Variants in CDH17 observed in about 807,000 individuals in gnomAD.
CDH17 encodes cadherin 17, also known as cadherin-17.
Under a neutral mutation model 86.3 loss-of-function variants are expected in CDH17, and 67 were observed. The observed-to-expected ratio is 0.78, with a 90% confidence interval of 0.64 to 0.95. The LOEUF is 0.95. Among genes scored for constraint, CDH17 ranks in the 40% least tolerant of loss-of-function variants. CDH17 has a pLI of 0.00. For missense variants in CDH17, 993 were observed against 1,017.6 expected (o/e 0.98, Z 0.33); for synonymous variants, 367 against 366.4 (o/e 1.00, Z -0.02).
chr8:94,189,798 G>T (rs554998720), intron 2 of CDH17, among the ~76,000 whole-genome samples: 1 of 152,316 alleles, frequency 6.6e-6, no homozygotes, highest in East Asian at 1.9e-4. Context: ...TACAAAGTTT[G>T]CTTGGCACAG....
chr8:94,131,036 TGGA>T, intron 15 of CDH17, 44 bp from the exon 16 acceptor site: 1 of 1,002,486 alleles, frequency 1.0e-6, no homozygotes, highest in South Asian at 1.3e-5. Context: ...CTTCAGACCC[TGGA>T]TTAGCAGGAA....
chr8:94,152,221 A>T, intron 12 of CDH17, 109 bp from the exon 13 acceptor site: 1 of 1,155,982 alleles, frequency 8.7e-7, no homozygotes, highest in Non-Finnish European at 1.2e-6. Context: ...ATATTGGAAA[A>T]ACTGGATATC....
intron 3 of CDH17, among the ~76,000 whole-genome samples, chr8:94,186,737 G>A (rs935005350): frequency 5.3e-5 from 8 of 152,136 alleles, no homozygotes; most frequent in Non-Finnish European, 1.0e-4. Context: ...GTCTAGGCTC[G>A]CTCCCTTGCA....
At chr8:94,204,742 G>A (rs1251686105) in intron 1 of CDH17, among the ~76,000 whole-genome samples, 1 of 152,166 alleles carries the variant, frequency 6.6e-6, no homozygotes, top group African/African-American at 2.4e-5. Context: ...GAGGTGTCAT[G>A]TTGTTCCTGG....
chr8:94,202,851 T>G (rs1211811085), intron 1 of CDH17: 1 of 201,516 alleles, frequency 5.0e-6, no homozygotes, highest in Non-Finnish European at 1.0e-5. Context: ...GCTAAGTACC[T>G]CCTCTCGTAC....
chr8:94,147,339 A>G (rs759078042), intron 14 of CDH17, among the ~76,000 whole-genome samples: 2 of 152,166 alleles, frequency 1.3e-5, no homozygotes, highest in Non-Finnish European at 2.9e-5. Context: ...AAGCTGGCAC[A>G]CCGTTCTGCA....
At chr8:94,179,787 C>A (rs1813443291) in intron 3 of CDH17, among the ~76,000 whole-genome samples, 1 of 152,296 alleles carries the variant, frequency 6.6e-6, no homozygotes, top group Admixed American at 6.5e-5. Context: ...AGAATACAGA[C>A]TTTACAGAAT....
rs1375654400 is a variant in CDH17 at position 94,128,218 on chromosome 8, A to G, written c.*22T>C. On this transcript the variant is annotated 3_prime_UTR_variant, in exon 18 of 18. Transcript: ENST00000027335. ...TGCTGAAATAGCACTTGCTATATAA[A>G]TTCAAACATTCCTTTTCAAATTCAG... The G allele has an allele frequency of 2.0e-6, 3 of 1,504,570 alleles. No individual in the cohort carries two copies. Among genetic ancestry groups the G allele is most frequent in the Non-Finnish European group, 2.8e-6 (3 of 1,081,910 alleles). 93.2% of individuals were successfully genotyped at this position (1,504,570 alleles called of 1,614,324 possible).
At position 94,194,602 on chromosome 8, in the gene CDH17, A is replaced by T. The variant is rs747799830; in HGVS notation, c.51+33T>A. 4.8e-6 allele frequency: 7 copies of T among 1,449,610 alleles called. No individual in the cohort carries two copies. The Admixed American group carries it at 1.1e-4, about 22-fold the overall frequency. 89.8% of individuals were successfully genotyped at this position (1,449,610 alleles called of 1,614,324 possible). On this transcript the variant is annotated intron_variant, in intron 2 of 17. Coordinates refer to ENST00000027335, the MANE Select transcript of CDH17 (RefSeq NM_004063.4). ...GAAAGATAGCAGAAAATATTCTAGT[A>T]AACAAATAGAGAAGAACACCCTCTT...
At chr8:94,191,559 C>T (rs993585376) in intron 2 of CDH17, among the ~76,000 whole-genome samples, 6 of 150,410 alleles carry the variant, frequency 4.0e-5, no homozygotes, top group Admixed American at 3.3e-4. Flanking sequence ...TCAAGCGATT[C>T]GCCTGCCTCA....
At chr8:94,184,206 AGT>A (rs60426952) in intron 3 of CDH17, among the ~76,000 whole-genome samples, 3 of 151,296 alleles carry the variant, frequency 2.0e-5, no homozygotes, top group African/African-American at 4.9e-5. Context: ...CCTGCTACTG[AGT>A]GTGTGTGTGT....
chr8:94,129,907 G>A (rs1586226134), intron 17 of CDH17, among the ~76,000 whole-genome samples: 1 of 152,118 alleles, frequency 6.6e-6, no homozygotes, highest in African/African-American at 2.4e-5. Context: ...TGAGACTTGG[G>A]TCTCATCCCC....
intron 1 of CDH17, among the ~76,000 whole-genome samples, chr8:94,199,069 ATATATATATATATATTTTT>A (rs1214430069): frequency 0.014 from 398 of 28,838 alleles, 7 homozygotes; most frequent in Non-Finnish European, 0.017. Flanking sequence ...ATATATATAT[ATATATATATATATATTTTT>A]TTTTTTTTAT....
At chr8:94,208,969 C>A (rs1043911242), upstream of CDH17, among the ~76,000 whole-genome samples, 2 of 152,118 alleles carry the variant, frequency 1.3e-5, no homozygotes, top group Non-Finnish European at 2.9e-5. Context: ...GGAGCAGGGG[C>A]GCCATGTCTG....
chr8:94,164,741 G>A (rs57403347), intron 10 of CDH17, among the ~76,000 whole-genome samples: 45,236 of 152,090 alleles, frequency 0.3, 7,203 homozygotes, highest in South Asian at 0.48. Context: ...TATGGTAATC[G>A]AAGATTAGTA....
At chr8:94,164,025 T>A (rs1813108635) in intron 10 of CDH17, among the ~76,000 whole-genome samples, 1 of 152,268 alleles carries the variant, frequency 6.6e-6, no homozygotes, top group African/African-American at 2.4e-5. Flanking sequence ...CACACACATG[T>A]ATTTTAATAT....
Position 94,170,992 on chromosome 8 carries a change from G to T in CDH17, c.784-7C>A, listed in dbSNP as rs1482153204. On this transcript the variant is annotated splice_polypyrimidine_tract_variant and splice_region_variant and intron_variant, in intron 7 of 17. Transcript: ENST00000027335. ...CGGGATCATTCCACCGCACCTACAG[G>T]GCCCAAAGTCAGTTGTGAGGAAAGC... 9 of 1,612,432 alleles carry T rather than the reference G, an allele frequency of 5.6e-6. No individual in the cohort carries two copies. The Admixed American group carries it at 1.5e-4, about 27-fold the overall frequency.
intron 15 of CDH17, among the ~76,000 whole-genome samples, chr8:94,142,859 C>A (rs1022202438): frequency 1.3e-5 from 2 of 152,154 alleles, no homozygotes; most frequent in Admixed American, 6.6e-5. Flanking sequence ...ACTTCTAATT[C>A]GAGCTCTATT....
At chr8:94,184,271 T>C (rs1813536074) in intron 3 of CDH17, among the ~76,000 whole-genome samples, 1 of 151,978 alleles carries the variant, frequency 6.6e-6, no homozygotes, top group African/African-American at 2.4e-5. Context: ...CATAAAAAGT[T>C]GTACATGAAT....
Sources: gnomAD v4.1 joint callset for allele counts (sites outside exome capture counted in the v4.1 genomes callset) on GRCh38, gnomAD v4.1.1 for gene constraint, MANE v1.5 for transcripts, NCBI Gene and HGNC (gene_info 2026-07-23, HGNC 2026-07-21) for gene names.